PCDH15: variants seen among roughly 807,000 people sequenced by gnomAD.
PCDH15 encodes protocadherin-15.
PCDH15 carries 129 observed loss-of-function variants against 178.5 expected under a neutral mutation model. The observed-to-expected ratio is 0.72, with a 90% CI of 0.63 to 0.84. PCDH15 has a LOEUF of 0.84. PCDH15 is among the 40% of genes least tolerant of loss of function. PCDH15 has a pLI of 0.00. For synonymous variants in PCDH15, 800 were observed against 732.0 expected (o/e 1.09, Z -1.50); for missense variants, 2,230 against 2,099.9 (o/e 1.06, Z -1.21).
chr10:54,601,247 A>T (rs1937415), intron 2 of PCDH15, among the ~76,000 whole-genome samples: 143,477 of 152,028 alleles, frequency 0.94, 67,884 homozygotes, highest in Middle Eastern at 0.98. Flanking sequence ...CCAGACAACC[A>T]ATAGAATGGG....
At chr10:55,364,907 CAATTTTTTGTCAATTATA>C (rs1471985930) in intron 2 of PCDH15, among the ~76,000 whole-genome samples, 12 of 151,988 alleles carry the variant, frequency 7.9e-5, no homozygotes, top group Non-Finnish European at 1.3e-4. Context: ...ACAAAATATA[CAATTTTTTGTCAATTATA>C]AATTTTTTGT....
At chr10:54,485,185 T>C (rs1565394188) in intron 3 of PCDH15, among the ~76,000 whole-genome samples, 1 of 151,832 alleles carries the variant, frequency 6.6e-6, no homozygotes, top group Non-Finnish European at 1.5e-5. Flanking sequence ...TCCCTGCTAA[T>C]AGTGCTGACA....
chr10:55,532,599 A>C (rs1317468069), intron 2 of PCDH15, among the ~76,000 whole-genome samples: 1 of 152,070 alleles, frequency 6.6e-6, no homozygotes, highest in African/African-American at 2.4e-5. Context: ...ATTAAGAAAA[A>C]GTATAAACCC....
intron 23 of PCDH15, among the ~76,000 whole-genome samples, chr10:53,958,157 AG>A (rs2043521054): frequency 6.6e-6 from 1 of 152,096 alleles, no homozygotes; most frequent in African/African-American, 2.4e-5. Context: ...AAAACACTAA[AG>A]TCATCCTAGA....
intron 1 of PCDH15, among the ~76,000 whole-genome samples, chr10:55,238,281 T>C (rs566479140): frequency 1.3e-3 from 200 of 151,604 alleles, no homozygotes; most frequent in Middle Eastern, 0.01. Flanking sequence ...TCCCGAGTAG[T>C]TGGGATTACA....
chr10:54,131,579 A>G (rs2042440808), intron 15 of PCDH15, among the ~76,000 whole-genome samples: 1 of 152,156 alleles, frequency 6.6e-6, no homozygotes, highest in African/African-American at 2.4e-5. Flanking sequence ...CTACCTTCAT[A>G]TAATTTTGTT....
chr10:54,846,105 G>A (rs533452726), intron 3 of PCDH15, among the ~76,000 whole-genome samples: 1 of 152,124 alleles, frequency 6.6e-6, no homozygotes, highest in East Asian at 1.9e-4. Flanking sequence ...GTCTGAAAAT[G>A]TTATTTTCCC....
At chr10:55,517,360 C>T (rs1841042244) in intron 2 of PCDH15, among the ~76,000 whole-genome samples, 1 of 152,062 alleles carries the variant, frequency 6.6e-6, no homozygotes, top group Admixed American at 6.6e-5. Context: ...GATCAAAAGG[C>T]ACTTCTAATA....
intron 1 of PCDH15, among the ~76,000 whole-genome samples, chr10:55,169,651 A>C (rs1839279752): frequency 1.3e-5 from 2 of 152,172 alleles, no homozygotes; most frequent in African/African-American, 4.8e-5. Context: ...ATAATTAAAC[A>C]CTAGAGAACT....
chr10:53,999,044 C>T (rs2091991639), intron 20 of PCDH15, among the ~76,000 whole-genome samples: 2 of 120,500 alleles, frequency 1.7e-5, no homozygotes, highest in Admixed American at 1.9e-4. Flanking sequence ...CAGAGTGATA[C>T]TCAGTCTCAA....
At chr10:53,863,786 G>A (rs1214375491) in intron 27 of PCDH15, among the ~76,000 whole-genome samples, 2 of 152,150 alleles carry the variant, frequency 1.3e-5, no homozygotes, top group East Asian at 3.9e-4. Context: ...GAGCTGGCGA[G>A]TGGGAATTGA....
At position 55,170,269 on chromosome 10, in the gene PCDH15, C is replaced by T. The variant is rs1839297744; in HGVS notation, c.-155-3618G>A. Among the ~76,000 whole-genome samples the T allele has an allele frequency of 1.3e-5, 2 of 151,932 alleles. 1 individual carries two copies. ...GGCTCAAGCAATCCTCCTGCCTCAG[C>T]CCCCCAGGTAGCTGAGAATACAGAT... On this transcript the variant is annotated intron_variant, in intron 1 of 5. Coordinates refer to the PCDH15 transcript ENST00000458638.
chr10:54,399,146 C>T (rs73251624), intron 3 of PCDH15, among the ~76,000 whole-genome samples: 4,000 of 152,096 alleles, frequency 0.026, 170 homozygotes, highest in African/African-American at 0.089. Flanking sequence ...TAATCACATA[C>T]ATGTAACAGA....
chr10:54,147,423 T>A (rs2044097256), intron 14 of PCDH15, among the ~76,000 whole-genome samples: 2 of 151,934 alleles, frequency 1.3e-5, no homozygotes, highest in East Asian at 3.9e-4. Context: ...TTTACTTAAG[T>A]AAAAAACATT....
At chr10:54,661,412 C>T (rs77166121) in intron 2 of PCDH15, among the ~76,000 whole-genome samples, 10,026 of 151,794 alleles carry the variant, frequency 0.066, 406 homozygotes, top group East Asian at 0.15. Flanking sequence ...ATGACAGAAG[C>T]AAGTGGAAAA....
At chr10:54,008,235 T>C (rs1456123329) in intron 20 of PCDH15, among the ~76,000 whole-genome samples, 2 of 152,220 alleles carry the variant, frequency 1.3e-5, no homozygotes, top group Non-Finnish European at 2.9e-5. Context: ...AAATAGGCAA[T>C]GACTTTGCAT....
chr10:54,524,734 G>A (rs952695843), intron 3 of PCDH15, among the ~76,000 whole-genome samples: 1 of 152,040 alleles, frequency 6.6e-6, no homozygotes, highest in African/African-American at 2.4e-5. Context: ...TACTAAATAC[G>A]CTCTACATGC....
chr10:55,225,447 G>A (rs1841004616), intron 1 of PCDH15, among the ~76,000 whole-genome samples: 1 of 152,030 alleles, frequency 6.6e-6, no homozygotes, highest in African/African-American at 2.4e-5. Flanking sequence ...AATTTTGTAT[G>A]ATTAGAAGAG....
At chr10:55,155,050 G>A (rs1213188819) in intron 2 of PCDH15, among the ~76,000 whole-genome samples, 1 of 151,952 alleles carries the variant, frequency 6.6e-6, no homozygotes, top group African/African-American at 2.4e-5. Context: ...GCAGTACAGA[G>A]AGAAGAGATG....
Sources: gnomAD v4.1 joint callset for allele counts (sites outside exome capture counted in the v4.1 genomes callset) on GRCh38, gnomAD v4.1.1 for gene constraint, MANE v1.5 for transcripts, NCBI Gene and HGNC (gene_info 2026-07-23, HGNC 2026-07-21) for gene names.